Variants in LUZP1 observed in about 807,000 individuals in gnomAD.
LUZP1 encodes filamin mechanobinding actin cross-linking protein.
LUZP1 carries 25 observed loss-of-function variants against 71.3 expected under a neutral mutation model. That is an observed-to-expected ratio of 0.35 (90% CI 0.26 to 0.49). LUZP1 has a LOEUF of 0.49. Among genes scored for constraint, LUZP1 ranks in the 20% least tolerant of loss-of-function variants. The probability of loss-of-function intolerance (pLI) is 0.99; values close to 1 mark genes in which losing one functional copy is unlikely to be tolerated. For synonymous variants in LUZP1, 481 were observed against 506.4 expected, an observed-to-expected ratio of 0.95 and a Z score of 0.67; for missense variants, 1,142 against 1,300.8, an observed-to-expected ratio of 0.88 and a Z score of 1.88.
chr1:23,170,965 G>A (rs189340758), intron 1 of LUZP1, among the ~76,000 whole-genome samples: 32 of 151,718 alleles, frequency 2.1e-4, no homozygotes, highest in Admixed American at 9.2e-4. Context: ...GGTGGTGCCC[G>A]TGCAGTCTCA....
chr1:23,092,533 C>T, exon 4 of LUZP1: 3 of 1,614,196 alleles, frequency 1.9e-6, no homozygotes, highest in Non-Finnish European at 2.5e-6. Flanking sequence ...TTAGAGAGCC[C>T]TTCTGAGGAG....
downstream of LUZP1, chr1:23,084,017 C>CAA (rs1012420359): frequency 2.6e-5 from 4 of 152,242 alleles, no homozygotes; most frequent in East Asian, 3.9e-4. Context: ...AGAGCTGAAA[C>CAA]AAAGTCTGAG....
chr1:23,141,362 C>A (rs1378069911), intron 2 of LUZP1, among the ~76,000 whole-genome samples: 1 of 152,216 alleles, frequency 6.6e-6, no homozygotes, highest in African/African-American at 2.4e-5. Flanking sequence ...GGGCAAGCCA[C>A]ACCCTCATGC....
rs570331368 is a variant in LUZP1, at chr1:23,153,557, T to C, written c.-226+15209A>G. ...CAACAGACCTCCTAGGGCAGTCATT[T>C]TAGTCAATGGTATTTTCACCCAAGA... On this transcript the variant is annotated intron_variant, in intron 2 of 4. Transcript: ENST00000302291. Among the ~76,000 whole-genome samples the C allele has an allele frequency of 2.6e-5, 4 of 151,986 alleles. No individual in the cohort carries two copies. In the South Asian group the frequency reaches 8.3e-4, roughly 31 times the overall value.
exon 5 of LUZP1, chr1:23,088,958 C>G: frequency 6.2e-7 from 1 of 1,614,196 alleles, no homozygotes; most frequent in Non-Finnish European, 8.5e-7. Flanking sequence ...CTCGCCCAGA[C>G]TCTGGCAGCC....
intron 2 of LUZP1, among the ~76,000 whole-genome samples, chr1:23,137,815 A>C (rs900436406): frequency 6.6e-6 from 1 of 152,212 alleles, no homozygotes; most frequent in East Asian, 1.9e-4. Flanking sequence ...AAAGTTAAAC[A>C]TACAGGTACT....
At chr1:23,099,781 A>G (rs2124615140) in intron 3 of LUZP1, among the ~76,000 whole-genome samples, 1 of 152,356 alleles carries the variant, frequency 6.6e-6, no homozygotes, top group South Asian at 2.1e-4. Flanking sequence ...CTGGAAACAT[A>G]CAGAGAAAGC....
chr1:23,126,937 G>A (rs1344049633), intron 2 of LUZP1, among the ~76,000 whole-genome samples: 2 of 152,206 alleles, frequency 1.3e-5, no homozygotes, highest in Non-Finnish European at 2.9e-5. Flanking sequence ...ACAGGAATGA[G>A]TTGTCTTTTA....
At chr1:23,165,932 T>C (rs1644506144) in intron 2 of LUZP1, among the ~76,000 whole-genome samples, 1 of 151,724 alleles carries the variant, frequency 6.6e-6, no homozygotes. Context: ...TATGATCACT[T>C]AGGTACTCCC....
intron 1 of LUZP1, among the ~76,000 whole-genome samples, chr1:23,172,409 A>G (rs998387888): frequency 6.6e-6 from 1 of 152,166 alleles, no homozygotes; most frequent in African/African-American, 2.4e-5. Flanking sequence ...CTGTAATCCC[A>G]GTGCTTTGGG....
intron 2 of LUZP1, among the ~76,000 whole-genome samples, chr1:23,142,820 CT>C (rs1233610370): frequency 2.0e-5 from 3 of 151,576 alleles, no homozygotes; most frequent in African/African-American, 7.3e-5. Context: ...CTGCAACTTA[CT>C]ATGGATCAGG....
chr1:23,091,444 T>C, exon 4 of LUZP1: 1 of 1,614,176 alleles, frequency 6.2e-7, no homozygotes, highest in African/African-American at 1.3e-5. Context: ...TTTTTACCTA[T>C]TCGAGTTGGG....
At chr1:23,158,376 C>T (rs1423549877) in intron 2 of LUZP1, among the ~76,000 whole-genome samples, 2 of 152,106 alleles carry the variant, frequency 1.3e-5, no homozygotes, top group Non-Finnish European at 2.9e-5. Flanking sequence ...TTAGGCTAGG[C>T]GCAGTGGCTC....
intron 2 of LUZP1, among the ~76,000 whole-genome samples, chr1:23,117,962 C>T (rs945607567): frequency 2.6e-5 from 4 of 152,028 alleles, no homozygotes; most frequent in East Asian, 3.9e-4. Context: ...TGGTGGCGTA[C>T]GCCTGTAGTC....
At chr1:23,102,042 T>C (rs1643935578) in intron 3 of LUZP1, among the ~76,000 whole-genome samples, 2 of 152,166 alleles carry the variant, frequency 1.3e-5, no homozygotes, top group Non-Finnish European at 2.9e-5. Flanking sequence ...GCTTTTTTTT[T>C]TCCTTAGCAT....
intron 2 of LUZP1, among the ~76,000 whole-genome samples, chr1:23,142,217 C>T (rs959462958): frequency 6.6e-6 from 1 of 152,130 alleles, no homozygotes; most frequent in Admixed American, 6.5e-5. Context: ...TGGTCTCGTA[C>T]TCCTGGACTC....
intron 4 of LUZP1, among the ~76,000 whole-genome samples, chr1:23,090,001 G>A (rs1237784872): frequency 6.6e-6 from 1 of 152,030 alleles, no homozygotes; most frequent in Non-Finnish European, 1.5e-5. Flanking sequence ...CTTGTGATCC[G>A]CCTGCCTTGG....
At position 23,093,454 on chromosome 1, in the gene LUZP1, C is replaced by T. The variant is rs1396762906; in HGVS notation, c.808G>A (p.Glu270Lys). ...TCATTTTCTGATTTGTTTCTTGTTT[C>T]ATTCTCTACCTGCTTTAGGTAGTCC... The change falls in exon 4 of 5, where the codon GAA (glutamate) becomes AAA (lysine). Residue 270 changes from glutamate to lysine, a missense_variant. Transcript: ENST00000302291. This position sits in a 1 kb window ranked among gnomAD's most constrained non-coding sequence, Gnocchi z 4.2. 1 of 1,613,288 alleles carries T rather than the reference C, an allele frequency of 6.2e-7. No homozygotes were observed. Among genetic ancestry groups the T allele is most frequent in the Admixed American group, 1.7e-5 (1 of 59,850 alleles).
chr1:23,105,311 T>C (rs1181670679), intron 3 of LUZP1, among the ~76,000 whole-genome samples: 1 of 151,240 alleles, frequency 6.6e-6, no homozygotes, highest in Non-Finnish European at 1.5e-5. Context: ...TACCAATTTG[T>C]AGGTTCATAC....
Sources: allele counts gnomAD v4.1 joint callset (sites outside exome capture counted in the v4.1 genomes callset), GRCh38; gene constraint gnomAD v4.1.1; non-coding constraint Gnocchi (gnomAD v3.1); transcripts MANE v1.5; gene names NCBI Gene and HGNC (gene_info 2026-07-23, HGNC 2026-07-21).